USH2A: variants seen among roughly 807,000 people sequenced by gnomAD.
USH2A encodes the protein usherin, also known as Usher syndrome 2A (autosomal recessive, mild).
In USH2A, 443 loss-of-function variants were observed where a neutral mutation model predicts 538.9. The ratio of observed to expected loss-of-function variants is 0.82; its 90% confidence interval spans 0.76 to 0.89. USH2A has a LOEUF of 0.89. Ranked by LOEUF, USH2A falls within the 40% of genes least tolerant of loss-of-function variation. The pLI, the probability that USH2A is intolerant of heterozygous loss-of-function variation, is 0.00. For missense variants in USH2A, 6,633 were observed against 6,324.8 expected, an observed-to-expected ratio of 1.05 and a Z score of -1.65; for synonymous variants, 2,413 against 2,273.5, an observed-to-expected ratio of 1.06 and a Z score of -1.75.
chr1:215,994,671 C>T (rs1425319755), intron 34 of USH2A, among the ~76,000 whole-genome samples: 1 of 152,032 alleles, frequency 6.6e-6, no homozygotes, highest in African/African-American at 2.4e-5. Flanking sequence ...TCAGCTGTGG[C>T]ATGTGCCTTT....
intron 68 of USH2A, 132 bp from the exon 69 acceptor site, chr1:215,639,370 TA>T: frequency 2.5e-6 from 2 of 811,830 alleles, no homozygotes; most frequent in Non-Finnish European, 4.1e-6. Flanking sequence ...TTTTATATAA[TA>T]TTCAAAATTA....
At chr1:216,217,621 C>T in intron 14 of USH2A, 71 bp from the exon 15 acceptor site, 2 of 1,559,702 alleles carry the variant, frequency 1.3e-6, no homozygotes, top group African/African-American at 1.4e-5. Flanking sequence ...TAAGTTACAC[C>T]TACCAATAGC....
rs925274962 is a variant in USH2A, at chr1:215,633,973, C to T, written c.15297+486G>A. ...AGGGTGTCAGGACCAGAGGACAGAC[C>T]GAGCACCACTAGCACTGTAGCCCCT... On this transcript the variant is annotated intron_variant, in intron 70 of 71. Transcript: ENST00000307340. Among the ~76,000 whole-genome samples the T allele has an allele frequency of 3.9e-5, 6 of 152,116 alleles. No homozygotes were observed. In the South Asian group the frequency reaches 6.2e-4, roughly 16 times the overall value.
rs148789964 is a variant in USH2A at position 216,113,653 on chromosome 1, T to C, written c.4628-16440A>G. 1.0e-3 allele frequency among the ~76,000 whole-genome samples: 154 copies of C among 152,192 alleles called. 1 individual carries two copies. Among genetic ancestry groups the C allele is most frequent in the African/African-American group, 3.6e-3 (148 of 41,560 alleles). ...AAGCGTTTTTTCCACATTAAGGGTA[T>C]GGTTTCTTTGTCTGTCACTTGTTAA... is the stretch of plus-strand genomic sequence containing the variant. On this transcript the variant is annotated intron_variant, in intron 21 of 71. Coordinates refer to ENST00000307340, the MANE Select transcript of USH2A (RefSeq NM_206933.4).
chr1:215,921,108 T>G (rs1342566413), intron 38 of USH2A, among the ~76,000 whole-genome samples: 1 of 152,086 alleles, frequency 6.6e-6, no homozygotes, highest in Non-Finnish European at 1.5e-5. Flanking sequence ...TTTGTTAATT[T>G]TTCAAAATTA....
At chr1:215,710,976 G>GCA (rs1200835696) in intron 61 of USH2A, among the ~76,000 whole-genome samples, 1 of 151,152 alleles carries the variant, frequency 6.6e-6, no homozygotes, top group Non-Finnish European at 1.5e-5. Flanking sequence ...TACTAACACT[G>GCA]CATAGTAAGT....
chr1:215,689,075 T>C (rs1033084686), intron 61 of USH2A, among the ~76,000 whole-genome samples: 4 of 150,790 alleles, frequency 2.7e-5, no homozygotes, highest in African/African-American at 7.3e-5. Context: ...CTTAGGTTTT[T>C]CTTCTTGAGA....
intron 69 of USH2A, 29 bp from the exon 70 acceptor site, chr1:215,634,732 A>G: frequency 6.2e-7 from 1 of 1,614,226 alleles, no homozygotes; most frequent in Non-Finnish European, 8.5e-7. Context: ...GAAAGGGGAA[A>G]TGTTATTTCA....
chr1:216,031,142 CA>C (rs1669112170), intron 32 of USH2A, among the ~76,000 whole-genome samples: 2 of 152,118 alleles, frequency 1.3e-5, no homozygotes, highest in South Asian at 4.1e-4. Flanking sequence ...TCTGAGAATT[CA>C]GGGGCTGTTA....
intron 41 of USH2A, among the ~76,000 whole-genome samples, chr1:215,883,716 T>G (rs5022147): frequency 0.37 from 56,770 of 151,838 alleles, 10,923 homozygotes; most frequent in African/African-American, 0.42. Flanking sequence ...ATACTCGTTA[T>G]CTATACCTAA....
intron 57 of USH2A, 86 bp downstream of exon 57, chr1:215,759,574 A>G (rs1449626819): frequency 1.3e-6 from 2 of 1,536,400 alleles, no homozygotes; most frequent in Admixed American, 1.7e-5. Flanking sequence ...CAATTTAACA[A>G]CTTTCAGTGG....
At chr1:215,821,453 T>C (rs553222629) in intron 47 of USH2A, among the ~76,000 whole-genome samples, 1 of 151,778 alleles carries the variant, frequency 6.6e-6, no homozygotes, top group Non-Finnish European at 1.5e-5. Flanking sequence ...TAATCAGATG[T>C]TTTGTTTTTG....
At chr1:215,774,855 A>G (rs563960342) in intron 55 of USH2A, among the ~76,000 whole-genome samples, 2 of 151,926 alleles carry the variant, frequency 1.3e-5, no homozygotes, top group South Asian at 2.1e-4. Flanking sequence ...TATTTTATCA[A>G]TAGGCAGGTT....
At chr1:216,330,058 T>C (rs2037824219) in intron 4 of USH2A, among the ~76,000 whole-genome samples, 1 of 152,078 alleles carries the variant, frequency 6.6e-6, no homozygotes, top group South Asian at 2.1e-4. Flanking sequence ...AGACTTACCA[T>C]AACTGAAAGA....
chr1:216,263,772 C>A (rs745526327), intron 11 of USH2A, among the ~76,000 whole-genome samples: 5 of 152,006 alleles, frequency 3.3e-5, no homozygotes, highest in Non-Finnish European at 7.4e-5. Flanking sequence ...CTAGCCAGAG[C>A]AATTAGGCAA....
chr1:216,218,134 T>C (rs1049461984), intron 14 of USH2A, among the ~76,000 whole-genome samples: 1 of 151,970 alleles, frequency 6.6e-6, no homozygotes, highest in Non-Finnish European at 1.5e-5. Flanking sequence ...TTTTCTGTTT[T>C]ATGAACTAAA....
At chr1:215,739,579 A>G (rs766165809) in intron 60 of USH2A, among the ~76,000 whole-genome samples, 1 of 152,242 alleles carries the variant, frequency 6.6e-6, no homozygotes, top group Non-Finnish European at 1.5e-5. Flanking sequence ...GAGGGTGGAC[A>G]TTTTAGAGCC....
rs528386335 is a variant in USH2A, at chr1:216,056,238, C to A, written c.6050-7591G>T. On this transcript the variant is annotated intron_variant, in intron 30 of 71. Coordinates refer to ENST00000307340, the MANE Select transcript of USH2A (RefSeq NM_206933.4). ...TTAACTCTTTACCTTACATAAAGGT[C>A]TCACACTGAAATTACTGAAACTCTT... Among the ~76,000 whole-genome samples the A allele has an allele frequency of 7.9e-5, 12 of 152,320 alleles. No homozygotes were observed. The East Asian group carries it at 2.3e-3, about 29-fold the overall frequency.
Position 216,048,548 on chromosome 1 carries a change from G to C in USH2A, c.6149C>G (p.Ser2050Cys). 2 of 1,613,958 alleles carry C rather than the reference G, an allele frequency of 1.2e-6. No individual in the cohort carries two copies. The highest frequency in any genetic ancestry group is 1.7e-6 in the Non-Finnish European group (2 of 1,179,844). Residue 2050 changes from serine to cysteine, a missense_variant, in exon 31 of 72, where the codon TCT (serine) becomes TGT (cysteine). Transcript: ENST00000307340. ...AATTACTTTACCTTCTTGTGGAGTA[G>C]AGATGTTCAATGCATGTGAGCTCTC... ...CTESSHALNI[S>C]TPQEAPQEVQ...
Sources: gnomAD v4.1 joint callset for allele counts (sites outside exome capture counted in the v4.1 genomes callset) on GRCh38, gnomAD v4.1.1 for gene constraint, MANE v1.5 for transcripts, NCBI Gene and HGNC (gene_info 2026-07-23, HGNC 2026-07-21) for gene names.